PRORP: variants seen among roughly 807,000 people sequenced by gnomAD.
PRORP encodes the protein mitochondrial ribonuclease P catalytic subunit.
Under a neutral mutation model 59.4 loss-of-function variants are expected in PRORP, and 51 were observed. The observed-to-expected ratio is 0.86, with a 90% confidence interval of 0.69 to 1.08. The LOEUF (loss-of-function observed/expected upper bound fraction) is 1.08. PRORP is among the 50% of genes least tolerant of loss of function. The pLI is 0.00. For missense variants in PRORP, 646 were observed against 690.3 expected, an observed-to-expected ratio of 0.94 and a Z score of 0.72; for synonymous variants, 231 against 245.6, an observed-to-expected ratio of 0.94 and a Z score of 0.55.
intron 5 of PRORP, among the ~76,000 whole-genome samples, chr14:35,208,883 G>A (rs948989577): frequency 4.6e-5 from 7 of 151,982 alleles, no homozygotes; most frequent in Non-Finnish European, 5.9e-5. Context: ...GGTGGTATAC[G>A]CCTGTAATCC....
At position 35,125,962 on chromosome 14, in the gene PRORP, G is replaced by T. The variant is rs142452296; in HGVS notation, c.987-773G>T. 2.0e-5 allele frequency among the ~76,000 whole-genome samples: 3 copies of T among 152,276 alleles called. No homozygotes were observed. The East Asian group carries it at 5.8e-4, about 29-fold the overall frequency. ...TGAATCTAGGGAGTCAATCAAGGCT[G>T]CAGGGAGCTGTGATGGCGCCATGCA... On this transcript the variant is annotated intron_variant, in intron 2 of 7. Coordinates refer to ENST00000534898, the MANE Select transcript of PRORP (RefSeq NM_014672.4).
chr14:35,190,582 T>C (rs960912327), intron 5 of PRORP, among the ~76,000 whole-genome samples: 1 of 152,076 alleles, frequency 6.6e-6, no homozygotes, highest in Non-Finnish European at 1.5e-5. Context: ...CTTGGCTCAT[T>C]GCAACCTCCG....
rs776195828 is a variant in PRORP at position 35,273,448 on chromosome 14, A to G, written c.1634A>G (p.Tyr545Cys). 1.9e-6 allele frequency: 3 copies of G among 1,610,682 alleles called. No homozygotes were observed. Among genetic ancestry groups the G allele is most frequent in the East Asian group, 2.2e-5 (1 of 44,730 alleles). Reference sequence around the variant, plus strand: ...TTAATTCAACAGCGTATTCTCAGCTATGACACAGTGGTGCAAACAACTGGA... The same window carrying G: ...TTAATTCAACAGCGTATTCTCAGCTGTGACACAGTGGTGCAAACAACTGGA... ...SKLTFQRILS[Y>C]DTVVQTTGDS... The change falls in exon 8 of 8, where the codon TAT becomes TGT. Residue 545 changes from tyrosine to cysteine, a missense_variant. Physicochemically the swap from Tyr to Cys is radical, Grantham distance 194. Coordinates refer to ENST00000534898, the MANE Select transcript of PRORP (RefSeq NM_014672.4).
At chr14:35,190,480 A>G (rs2048856109) in intron 5 of PRORP, among the ~76,000 whole-genome samples, 2 of 151,844 alleles carry the variant, frequency 1.3e-5, no homozygotes, top group East Asian at 1.9e-4. Context: ...TGAAGAAACT[A>G]TGACTAAATT....
Position 35,223,738 on chromosome 14 carries a change from C to T in PRORP, c.1275+42961C>T, listed in dbSNP as rs148347683. Among the ~76,000 whole-genome samples, 11 of 152,282 alleles carry T rather than the reference C, an allele frequency of 7.2e-5. No homozygotes were observed. The East Asian group carries it at 1.3e-3, about 19-fold the overall frequency. ...CCTCCCAAAGTGCTGGGATTACAGACGTGAGCCACTGCACCTGGCCTAGAC... is the reference window on the plus strand; with the variant it reads ...CCTCCCAAAGTGCTGGGATTACAGATGTGAGCCACTGCACCTGGCCTAGAC... On this transcript the variant is annotated intron_variant, in intron 5 of 7. Transcript: ENST00000534898.
chr14:35,184,007 T>C (rs975646971), intron 5 of PRORP, among the ~76,000 whole-genome samples: 1 of 152,190 alleles, frequency 6.6e-6, no homozygotes, highest in Non-Finnish European at 1.5e-5. Flanking sequence ...TTTTCCATCT[T>C]TGAAGAGATT....
chr14:35,248,965 C>T (rs138180415), intron 5 of PRORP, among the ~76,000 whole-genome samples: 53 of 152,200 alleles, frequency 3.5e-4, no homozygotes, highest in Non-Finnish European at 6.5e-4. Context: ...CATTTTGTGG[C>T]GAGCACAATG....
At chr14:35,130,446 C>A (rs111827848) in intron 4 of PRORP, among the ~76,000 whole-genome samples, 1 of 151,342 alleles carries the variant, frequency 6.6e-6, no homozygotes, top group Non-Finnish European at 1.5e-5. Context: ...GAGTTATGTA[C>A]CCTCAGATGA....
chr14:35,139,125 T>A (rs1329810939), intron 4 of PRORP, among the ~76,000 whole-genome samples: 1 of 145,440 alleles, frequency 6.9e-6, no homozygotes, highest in Non-Finnish European at 1.5e-5. Flanking sequence ...TCCTTTTGGT[T>A]TTGTTGTTAA....
chr14:35,135,628 T>C (rs2047352725), intron 4 of PRORP, among the ~76,000 whole-genome samples: 1 of 152,148 alleles, frequency 6.6e-6, no homozygotes, highest in Middle Eastern at 3.2e-3. Context: ...GCAGCTATTA[T>C]TAAGAAACAT....
intron 5 of PRORP, among the ~76,000 whole-genome samples, chr14:35,238,494 G>A: frequency 6.6e-6 from 1 of 152,100 alleles, no homozygotes; most frequent in East Asian, 1.9e-4. Flanking sequence ...AGCATTGAAA[G>A]ACCAACCAAA....
intron 4 of PRORP, among the ~76,000 whole-genome samples, chr14:35,172,414 T>TTCCC (rs1455952153): frequency 2.4e-4 from 3 of 12,498 alleles, no homozygotes; most frequent in Non-Finnish European, 1.1e-3. Flanking sequence ...GTTTCTTTCT[T>TTCCC]TCCTTCCTTC....
intron 5 of PRORP, among the ~76,000 whole-genome samples, 175 bp from the exon 6 acceptor site, chr14:35,266,552 G>T (rs982932580): frequency 6.6e-6 from 1 of 152,136 alleles, no homozygotes; most frequent in Non-Finnish European, 1.5e-5. Context: ...ACATTAATGT[G>T]TAATAGGGAA....
intron 5 of PRORP, among the ~76,000 whole-genome samples, chr14:35,241,870 A>G (rs987873227): frequency 7.9e-5 from 12 of 152,138 alleles, no homozygotes; most frequent in Admixed American, 3.3e-4. Context: ...AAGAAGTTCT[A>G]AACTGGGGAG....
Position 35,180,699 on chromosome 14 carries a change from A to G in PRORP, c.1197A>G (p.Lys399=), listed in dbSNP as rs1307910004. ...TTAAGAGATTTGAGAACTTCATAAA[A>G]TCTCGTCCTCCTTTTGATGTTGTCA... The part of the protein sequence containing the change: ...QELKRFENFI[K]SRPPFDVVID... The change falls in exon 5 of 8, where the codon AAA becomes AAG. Residue 399 remains lysine, a synonymous_variant. Coordinates refer to ENST00000534898, the MANE Select transcript of PRORP (RefSeq NM_014672.4). 6.2e-7 allele frequency: 1 copy of G among 1,612,570 alleles called. No individual in the cohort carries two copies. The highest frequency in any genetic ancestry group is 1.7e-5 in the Admixed American group (1 of 59,940).
At chr14:35,203,630 C>G (rs983513009) in intron 5 of PRORP, among the ~76,000 whole-genome samples, 1 of 152,040 alleles carries the variant, frequency 6.6e-6, no homozygotes, top group African/African-American at 2.4e-5. Flanking sequence ...TTTGGGAGGC[C>G]GAGGCGGGCG....
At chr14:35,271,262 G>A (rs1378100642) in intron 7 of PRORP, among the ~76,000 whole-genome samples, 3 of 146,430 alleles carry the variant, frequency 2.0e-5, no homozygotes, top group South Asian at 2.3e-4. Context: ...AGGTTCAAGC[G>A]ATCCTCCTGC....
chr14:35,269,897 T>C (rs569254133), intron 6 of PRORP, among the ~76,000 whole-genome samples: 242 of 152,240 alleles, frequency 1.6e-3, no homozygotes, highest in African/African-American at 5.6e-3. Flanking sequence ...CCAAAGAAGA[T>C]GTTTTGGGGT....
intron 5 of PRORP, among the ~76,000 whole-genome samples, chr14:35,256,116 T>C (rs1318973346): frequency 6.6e-6 from 1 of 151,134 alleles, no homozygotes; most frequent in African/African-American, 2.4e-5. Context: ...AAACCCCATC[T>C]CTACTAAAAA....
Sources: gnomAD v4.1 joint callset for allele counts (sites outside exome capture counted in the v4.1 genomes callset) on GRCh38, gnomAD v4.1.1 for gene constraint, MANE v1.5 for transcripts, NCBI Gene and HGNC (gene_info 2026-07-23, HGNC 2026-07-21) for gene names.